Variants in ANKRD40CL observed in about 807,000 individuals in gnomAD.
The protein encoded by ANKRD40CL is putative ANKRD40 C-terminal-like protein.
For missense variants in ANKRD40CL, 11 were observed against 6.4 expected (o/e 1.71, Z -0.77); for synonymous variants, 5 against 2.3 (o/e 2.14, Z -1.04).
At chr17:50,763,097 G>A (rs1176812573) in intron 3 of ANKRD40CL, 6 of 235,398 alleles carry the variant, frequency 2.5e-5, no homozygotes, top group Non-Finnish European at 4.9e-5. Context: ...GGTTTTCACC[G>A]TGTTGGCCAG....
intron 3 of ANKRD40CL, 73 bp downstream of exon 3, chr17:50,763,324 G>A (rs971198589): frequency 2.5e-6 from 1 of 398,884 alleles, no homozygotes; most frequent in Non-Finnish European, 4.4e-6. Flanking sequence ...AAATGCAGAA[G>A]TGTAAACGAT....
rs1023532733 is a variant in ANKRD40CL at position 50,763,442 on chromosome 17, T to C, written c.156A>G (p.Glu52=). Residue 52 remains glutamate (E), a synonymous_variant, in exon 3 of 4, where the codon GAA becomes GAG. Coordinates refer to ENST00000450727, the MANE Select transcript of ANKRD40CL (RefSeq NM_001358683.3). ...GTAGCTTTCTGATCTTCTCCACTCG[T>C]TCTGGTTTAATCCCCAGTTCACAGC... ...VSCCELGIKP[E]RVEKIRKLPN... is the part of the protein sequence containing the mutation. 1 of 399,096 alleles carries C rather than the reference T, an allele frequency of 2.5e-6. No homozygotes were observed. The highest frequency in any genetic ancestry group is 3.6e-5 in the East Asian group (1 of 28,086). 24.7% of individuals were successfully genotyped at this position (399,096 alleles called of 1,614,324 possible).
chr17:50,765,913 C>T (rs1217424431), intron 2 of ANKRD40CL, among the ~76,000 whole-genome samples: 2 of 152,208 alleles, frequency 1.3e-5, no homozygotes, highest in Non-Finnish European at 2.9e-5. Flanking sequence ...ATTGTCCCAT[C>T]GGACACCACT....
At chr17:50,766,006 C>T (rs1971305231) in intron 2 of ANKRD40CL, among the ~76,000 whole-genome samples, 1 of 152,180 alleles carries the variant, frequency 6.6e-6, no homozygotes, top group Admixed American at 6.5e-5. Context: ...CAGGGCCTTT[C>T]TGAATGCAAG....
intron 3 of ANKRD40CL, among the ~76,000 whole-genome samples, chr17:50,762,469 TG>T (rs1363664482): frequency 6.6e-6 from 1 of 151,990 alleles, no homozygotes; most frequent in African/African-American, 2.4e-5. Context: ...CCAACTACTC[TG>T]GAGGCTAAGA....
chr17:50,761,360 T>C lies in ANKRD40CL; in HGVS notation c.*3A>G, dbSNP rs1971198210. Reference sequence around the variant, plus strand: ...CACCATGCGCGGCCATTCCTGGGAGTATTTAATAAGTCATTTTTGCAGCTT... The same window carrying C: ...CACCATGCGCGGCCATTCCTGGGAGCATTTAATAAGTCATTTTTGCAGCTT... On this transcript the variant is annotated 3_prime_UTR_variant, in exon 4 of 4. Transcript: ENST00000450727. The C allele has an allele frequency of 2.5e-6, 1 of 398,250 alleles. No individual in the cohort carries two copies. The allele number at this position is 398,250 out of a possible 1,614,324, so 24.7% of individuals were successfully genotyped here.
At chr17:50,765,911 A>G (rs1053096501) in intron 2 of ANKRD40CL, among the ~76,000 whole-genome samples, 19 of 152,350 alleles carry the variant, frequency 1.2e-4, no homozygotes, top group African/African-American at 4.3e-4. Context: ...CCATTGTCCC[A>G]TCGGACACCA....
intron 2 of ANKRD40CL, chr17:50,764,360 C>G (rs2143151594): frequency 2.5e-6 from 1 of 397,496 alleles, no homozygotes; most frequent in East Asian, 3.6e-5. Context: ...TTATCCTCCC[C>G]TTCTCAAGGG....
chr17:50,766,630 A>G (rs2143167543), intron 2 of ANKRD40CL: 1 of 452,816 alleles, frequency 2.2e-6, no homozygotes, highest in East Asian at 3.3e-5. Flanking sequence ...AGAAGGTACA[A>G]CTTCCTAGCA....
In ANKRD40CL at chr17:50,763,787, G is replaced by A. The variant is rs1340968556; in HGVS notation, c.41-230C>T. 4 of 383,592 alleles carry A rather than the reference G, an allele frequency of 1.0e-5. No homozygotes were observed. In the Admixed American group the frequency reaches 1.3e-4, roughly 13 times the overall value. The allele number at this position is 383,592 out of a possible 1,614,324, so 23.8% of individuals were successfully genotyped here. ...GATGTATGCCCCCATTATATCCACT[G>A]AAGACAGAAAGCTTGCAGCTTTAAG... On this transcript the variant is annotated intron_variant, in intron 2 of 3. Transcript: ENST00000450727.
intron 3 of ANKRD40CL, among the ~76,000 whole-genome samples, chr17:50,762,400 A>G (rs1316210095): frequency 6.6e-6 from 1 of 152,158 alleles, no homozygotes; most frequent in Non-Finnish European, 1.5e-5. Flanking sequence ...TGGGCAATAT[A>G]GCCAGACCCA....
chr17:50,762,125 T>C lies in ANKRD40CL; in HGVS notation c.202-619A>G, dbSNP rs987407674. ...CTGTAGAGACAGGGTTTCACCATGT[T>C]GCCCAGGCTGGTCTCAAATTCCTGA... On this transcript the variant is annotated intron_variant, in intron 3 of 3. Coordinates refer to ENST00000450727, the MANE Select transcript of ANKRD40CL (RefSeq NM_001358683.3). 6.6e-5 allele frequency among the ~76,000 whole-genome samples: 10 copies of C among 152,144 alleles called. No homozygotes were observed. The East Asian group carries it at 1.5e-3, about 24-fold the overall frequency.
intron 3 of ANKRD40CL, among the ~76,000 whole-genome samples, chr17:50,761,905 G>A (rs1031642394): frequency 1.3e-5 from 2 of 151,986 alleles, no homozygotes; most frequent in Non-Finnish European, 2.9e-5. Context: ...TTACAGGTGT[G>A]AGCCACTGCG....
In ANKRD40CL at chr17:50,761,364, T is replaced by C. The variant is rs1194213778; in HGVS notation, c.344A>G (p.Ter115=). 2.5e-6 allele frequency: 1 copy of C among 398,408 alleles called. No homozygotes were observed. The highest frequency in any genetic ancestry group is 4.4e-6 in the Non-Finnish European group (1 of 225,750). The allele number at this position is 398,408 out of a possible 1,614,324, so 24.7% of individuals were successfully genotyped here. ...YDSKAAKMTY[*] is the part of the protein sequence containing the mutation. The stretch of plus-strand genomic sequence containing the variant: ...ATGCGCGGCCATTCCTGGGAGTATT[T>C]AATAAGTCATTTTTGCAGCTTTGCT... Residue 115 remains the stop codon, a stop_retained_variant, in exon 4 of 4, where the codon TAA becomes TGA. Coordinates refer to ENST00000450727, the MANE Select transcript of ANKRD40CL (RefSeq NM_001358683.3).
intron 3 of ANKRD40CL, chr17:50,763,153 C>T: frequency 3.0e-6 from 1 of 338,738 alleles, no homozygotes; most frequent in East Asian, 4.4e-5. Flanking sequence ...CCTCGGCCTC[C>T]CAAAGTGCTG....
intron 3 of ANKRD40CL, 57 bp from the exon 4 acceptor site, chr17:50,761,563 CTTAATA>C (rs1567887981): frequency 1.5e-5 from 6 of 395,110 alleles, no homozygotes; most frequent in African/African-American, 2.1e-5. Flanking sequence ...AATAGAAAAC[CTTAATA>C]TTAATATTGT....
chr17:50,766,469 A>G (rs1234921557), intron 2 of ANKRD40CL: 1 of 189,398 alleles, frequency 5.3e-6, no homozygotes, highest in Non-Finnish European at 1.1e-5. Flanking sequence ...GTCACAAAGC[A>G]TGCCCTTTGC....
intron 2 of ANKRD40CL, chr17:50,764,738 ACC>A (rs1971267487): frequency 6.6e-6 from 1 of 152,252 alleles, no homozygotes; most frequent in Non-Finnish European, 1.5e-5. Flanking sequence ...CCTGCTTTGC[ACC>A]AGGCACTGGG....
Position 50,766,969 on chromosome 17 carries a change from C to T in ANKRD40CL, c.-56G>A. Reference sequence around the variant, plus strand: ...CCCTCTCGCATTTATGCACAAGCTCCCAACCAAATAAAAAGCACTTTCTAC... The same window carrying T: ...CCCTCTCGCATTTATGCACAAGCTCTCAACCAAATAAAAAGCACTTTCTAC... On this transcript the variant is annotated 5_prime_UTR_variant, in exon 2 of 4. Transcript: ENST00000450727. The T allele has an allele frequency of 2.8e-6, 2 of 702,410 alleles. No homozygotes were observed. Among genetic ancestry groups the T allele is most frequent in the Non-Finnish European group, 5.2e-6 (2 of 384,994 alleles). 43.5% of individuals were successfully genotyped at this position (702,410 alleles called of 1,614,324 possible).
Sources: allele counts gnomAD v4.1 joint callset (sites outside exome capture counted in the v4.1 genomes callset), GRCh38; gene constraint gnomAD v4.1.1; transcripts MANE v1.5; gene names NCBI Gene and HGNC (gene_info 2026-07-23, HGNC 2026-07-21).